Variants in SLC5A11 observed in about 807,000 individuals in gnomAD.
The protein encoded by SLC5A11 is solute carrier family 5 member 11, also known as sodium/myo-inositol cotransporter 2.
SLC5A11 carries 48 observed loss-of-function variants against 69.8 expected under a neutral mutation model. The ratio of observed to expected loss-of-function variants is 0.69; its 90% CI spans 0.55 to 0.87. SLC5A11 has a LOEUF of 0.87. Ranked by LOEUF, SLC5A11 falls within the 40% of genes least tolerant of loss-of-function variation. The pLI, the probability that SLC5A11 is intolerant of heterozygous loss-of-function variation, is 0.00. For synonymous variants in SLC5A11, 319 were observed against 342.4 expected, an observed-to-expected ratio of 0.93 and a Z score of 0.75; for missense variants, 784 against 866.1, an observed-to-expected ratio of 0.91 and a Z score of 1.19.
At chr16:24,877,206 C>T (rs2152320923) in intron 6 of SLC5A11, 52 bp from the exon 8 acceptor site, 2 of 1,602,126 alleles carry the variant, frequency 1.2e-6, no homozygotes, top group Middle Eastern at 1.7e-4. Flanking sequence ...CAAATGTCCA[C>T]TCATTCATTC....
At chr16:24,871,992 A>G (rs1445330800) in intron 4 of SLC5A11, among the ~76,000 whole-genome samples, 168 bp from the exon 6 acceptor site, 7 of 152,094 alleles carry the variant, frequency 4.6e-5, no homozygotes, top group African/African-American at 1.7e-4. Flanking sequence ...TCCATTCCCC[A>G]TGTTAAAAAA....
At chr16:24,874,456 T>C (rs1249926226) in intron 5 of SLC5A11, among the ~76,000 whole-genome samples, 2 of 152,242 alleles carry the variant, frequency 1.3e-5, no homozygotes, top group Non-Finnish European at 2.9e-5. Context: ...CAGCAGTGTA[T>C]GAAAATTCCC....
chr16:24,858,406 G>A (rs1462566209), intron 1 of SLC5A11, among the ~76,000 whole-genome samples: 1 of 151,976 alleles, frequency 6.6e-6, no homozygotes, highest in African/African-American at 2.4e-5. Context: ...CAGATTTGAT[G>A]TGACTTCATT....
At chr16:24,905,653 C>CACACAA (rs1226417130) in intron 10 of SLC5A11, among the ~76,000 whole-genome samples, 1 of 150,450 alleles carries the variant, frequency 6.6e-6, no homozygotes, top group Non-Finnish European at 1.5e-5. Context: ...CACACACACA[C>CACACAA]ACACACACAC....
intron 3 of SLC5A11, among the ~76,000 whole-genome samples, chr16:24,862,934 T>C (rs1567587231): frequency 1.4e-5 from 2 of 140,738 alleles, no homozygotes; most frequent in African/African-American, 2.7e-5. Flanking sequence ...AAATATATAT[T>C]ATATAAAATA....
At chr16:24,867,632 A>T (rs1359573206) in intron 3 of SLC5A11, among the ~76,000 whole-genome samples, 3 of 152,174 alleles carry the variant, frequency 2.0e-5, no homozygotes, top group Non-Finnish European at 4.4e-5. Context: ...TAGATTAAGA[A>T]AAACAAGACA....
intron 9 of SLC5A11, among the ~76,000 whole-genome samples, chr16:24,897,413 G>A (rs1450971502): frequency 6.6e-6 from 1 of 152,124 alleles, no homozygotes; most frequent in Non-Finnish European, 1.5e-5. Context: ...GAGTAAGGAG[G>A]GAATGGGGTG....
chr16:24,878,444 C>T (rs980985884), intron 7 of SLC5A11, among the ~76,000 whole-genome samples: 5 of 152,162 alleles, frequency 3.3e-5, no homozygotes, highest in African/African-American at 9.7e-5. Context: ...ACTCTATTTT[C>T]ACCCTTTTCC....
At chr16:24,908,042 A>C (rs780753824) in exon 13 of SLC5A11, 19 of 1,613,474 alleles carry the variant, frequency 1.2e-5, no homozygotes, top group Non-Finnish European at 1.6e-5. Flanking sequence ...CCAGCTCTTC[A>C]TCTATATCCA....
intron 7 of SLC5A11, 46 bp downstream of exon 8, chr16:24,877,409 G>A (rs2047746027): frequency 6.9e-7 from 1 of 1,443,998 alleles, no homozygotes; most frequent in Non-Finnish European, 9.7e-7. Context: ...AGTGGGCAGG[G>A]GCTGTGGGCC....
At chr16:24,848,274 A>G (rs1206664591) in intron 1 of SLC5A11, among the ~76,000 whole-genome samples, 1 of 152,202 alleles carries the variant, frequency 6.6e-6, no homozygotes, top group African/African-American at 2.4e-5. Flanking sequence ...GATCTGACTC[A>G]TACTTAAAGA....
intron 10 of SLC5A11, among the ~76,000 whole-genome samples, chr16:24,905,493 G>A (rs2049968509): frequency 6.6e-6 from 1 of 151,814 alleles, no homozygotes; most frequent in Non-Finnish European, 1.5e-5. Context: ...AAAGAAATTA[G>A]CTGGGTGTGA....
intron 1 of SLC5A11, among the ~76,000 whole-genome samples, chr16:24,847,979 G>A (rs1179050283): frequency 1.3e-5 from 2 of 152,188 alleles, no homozygotes; most frequent in East Asian, 1.9e-4. Flanking sequence ...GTGATGAGAA[G>A]TTGTGTTTGC....
intron 1 of SLC5A11, 113 bp from the exon 3 acceptor site, chr16:24,858,507 C>A: frequency 1.2e-6 from 1 of 830,670 alleles, no homozygotes; most frequent in Non-Finnish European, 1.8e-6. Context: ...TCTTCCACCA[C>A]ACATCCCTCC....
At chr16:24,905,173 C>T (rs769034980) in intron 10 of SLC5A11, among the ~76,000 whole-genome samples, 2 of 150,688 alleles carry the variant, frequency 1.3e-5, no homozygotes, top group African/African-American at 2.4e-5. Flanking sequence ...AACACAATCC[C>T]AGCACTTTGG....
rs274085 is a variant in SLC5A11 at position 24,895,734 on chromosome 16, C to A, written c.871-2240C>A. 1.8e-4 allele frequency among the ~76,000 whole-genome samples: 28 copies of A among 152,034 alleles called. No homozygotes were observed. The South Asian group carries it at 4.6e-3, about 25-fold the overall frequency. ...GTACCTGTCCTTGAAACGTGTCCAC[C>A]AAGCCCGGTTTGTGTCACTGCTAAT... On this transcript the variant is annotated intron_variant, in intron 9 of 15. Coordinates refer to ENST00000347898, the Ensembl canonical transcript of SLC5A11.
At chr16:24,849,572 CAA>C (rs1182615959) in intron 1 of SLC5A11, among the ~76,000 whole-genome samples, 2,269 of 38,190 alleles carry the variant, frequency 0.059, 43 homozygotes, top group Non-Finnish European at 0.077. Flanking sequence ...GCCTTGGGGG[CAA>C]AAAAAAAAAA....
chr16:24,872,089 G>C (rs556693537), intron 4 of SLC5A11, 71 bp from the exon 6 acceptor site: 3 of 1,571,576 alleles, frequency 1.9e-6, no homozygotes, highest in African/African-American at 1.3e-5. Flanking sequence ...GCCTCAGGGC[G>C]CAGAGGGAAA....
intron 1 of SLC5A11, among the ~76,000 whole-genome samples, chr16:24,849,295 C>T (rs570740334): frequency 1.3e-5 from 2 of 152,088 alleles, no homozygotes; most frequent in African/African-American, 2.4e-5. Context: ...AAGCCGGGCA[C>T]GGTGGCTCAC....
Sources: allele counts gnomAD v4.1 joint callset (sites outside exome capture counted in the v4.1 genomes callset), GRCh38; gene constraint gnomAD v4.1.1; transcripts MANE v1.5; gene names NCBI Gene and HGNC (gene_info 2026-07-23, HGNC 2026-07-21).